Variants in PAPOLA observed in about 807,000 individuals in gnomAD.
PAPOLA encodes polynucleotide adenylyltransferase alpha.
A neutral mutation model predicts 100.6 loss-of-function variants in PAPOLA; 15 were observed. The observed-to-expected ratio is 0.15, with a 90% CI of 0.10 to 0.23. PAPOLA has a LOEUF of 0.23. Ranked by LOEUF, PAPOLA falls within the 10% of genes least tolerant of loss-of-function variation. The probability of loss-of-function intolerance (pLI) is 1.00; values close to 1 mark genes in which losing one functional copy is unlikely to be tolerated. For missense variants in PAPOLA, 533 were observed against 884.2 expected (o/e 0.60, Z 5.04); for synonymous variants, 293 against 300.0 (o/e 0.98, Z 0.24).
chr14:96,506,827 C>G (rs1416725086), intron 1 of PAPOLA, among the ~76,000 whole-genome samples: 2 of 152,108 alleles, frequency 1.3e-5, no homozygotes, highest in East Asian at 3.8e-4. Flanking sequence ...GCAAGGTAAA[C>G]CAGATTTTAA....
chr14:96,515,689 T>A (rs981183763), intron 1 of PAPOLA, among the ~76,000 whole-genome samples: 21 of 152,324 alleles, frequency 1.4e-4, no homozygotes, highest in African/African-American at 5.1e-4. Context: ...GACCAGTTGC[T>A]CAAGCAAAGC....
chr14:96,562,605 G>C (rs1901947677), intron 20 of PAPOLA: 1 of 366,658 alleles, frequency 2.7e-6, no homozygotes, highest in Admixed American at 4.4e-5. Context: ...TGCCTTATAA[G>C]ATTTAAGTAG....
chr14:96,535,774 T>A, intron 10 of PAPOLA, 105 bp from the exon 11 acceptor site: 2 of 1,047,608 alleles, frequency 1.9e-6, no homozygotes, highest in Non-Finnish European at 2.6e-6. Context: ...CAGCTATGAA[T>A]GAAATAAAAA....
intron 20 of PAPOLA, among the ~76,000 whole-genome samples, chr14:96,561,827 CG>C (rs1236189048): frequency 7.4e-6 from 1 of 134,286 alleles, no homozygotes; most frequent in Non-Finnish European, 1.7e-5. Context: ...AACAATATTT[CG>C]TTTTTTTTTT....
chr14:96,538,594 C>T (rs1421029831), intron 12 of PAPOLA, among the ~76,000 whole-genome samples: 2 of 151,952 alleles, frequency 1.3e-5, no homozygotes, highest in Non-Finnish European at 2.9e-5. Flanking sequence ...GAGGAAATTA[C>T]ATCAGGAAAA....
chr14:96,523,732 C>CA (rs892613175), intron 3 of PAPOLA, among the ~76,000 whole-genome samples: 1 of 152,138 alleles, frequency 6.6e-6, no homozygotes, highest in African/African-American at 2.4e-5. Context: ...ATCACGAGGT[C>CA]AAGAGTTCGA....
chr14:96,519,614 A>C (rs1361655667), intron 1 of PAPOLA, among the ~76,000 whole-genome samples: 2 of 152,182 alleles, frequency 1.3e-5, no homozygotes, highest in African/African-American at 4.8e-5. Flanking sequence ...ATTTTGTTTA[A>C]GTTTTTGCTA....
intron 6 of PAPOLA, among the ~76,000 whole-genome samples, chr14:96,530,511 C>A (rs980043174): frequency 6.6e-6 from 1 of 151,908 alleles, no homozygotes; most frequent in South Asian, 2.1e-4. Context: ...CTCAGCCCCC[C>A]CAAGTAGGTG....
At chr14:96,520,449 C>T (rs1039238928) in intron 2 of PAPOLA, among the ~76,000 whole-genome samples, 1 of 152,100 alleles carries the variant, frequency 6.6e-6, no homozygotes, top group African/African-American at 2.4e-5. Context: ...GATCTTGGCT[C>T]ACCACAGCCT....
At chr14:96,534,456 A>G (rs767283877) in intron 9 of PAPOLA, 35 bp from the exon 10 acceptor site, 5 of 1,608,842 alleles carry the variant, frequency 3.1e-6, no homozygotes, top group Non-Finnish European at 4.2e-6. Context: ...GTAATATCCA[A>G]TAGTCTTATC....
chr14:96,556,746 AT>A (rs1418166662), intron 19 of PAPOLA, among the ~76,000 whole-genome samples: 1 of 152,158 alleles, frequency 6.6e-6, no homozygotes, highest in Admixed American at 6.5e-5. Flanking sequence ...ATTTGTACTG[AT>A]TTTTTGATGG....
rs71103533 is a variant in PAPOLA at position 96,507,280 on chromosome 14, G to GTTTTTTTTTTTTTT, written c.8+4692_8+4705dup. 2.3e-3 allele frequency among the ~76,000 whole-genome samples: 183 copies of GTTTTTTTTTTTTTT among 80,686 alleles called. 11 individuals carry two copies. The highest frequency in any genetic ancestry group is 6.8e-3 in the African/African-American group (120 of 17,596). The allele number at this position is 80,686 out of a possible 152,430, so 52.9% of individuals were successfully genotyped here. On this transcript the variant is annotated intron_variant, in intron 1 of 21. Coordinates refer to ENST00000216277, the MANE Select transcript of PAPOLA (RefSeq NM_032632.5). The stretch of plus-strand genomic sequence containing the variant: ...ACTAAATTTTTTGTTTTGGAAAATA[G>GTTTTTTTTTTTTTT]TTTTTTTTTTTTTTTTTTTTTTTTT...
At chr14:96,527,275 C>T (rs984457447) in intron 4 of PAPOLA, 155 bp from the exon 5 acceptor site, 3 of 585,950 alleles carry the variant, frequency 5.1e-6, no homozygotes, top group African/African-American at 3.8e-5. Context: ...CATGTTTGTC[C>T]TCCATTGACT....
Position 96,536,905 on chromosome 14 carries a change from TGATTAA to T in PAPOLA, c.1031-65_1031-60del, listed in dbSNP as rs1899587218. 43 of 858,140 alleles carry T rather than the reference TGATTAA, an allele frequency of 5.0e-5. No individual in the cohort carries two copies. The South Asian group carries it at 5.4e-4, about 11-fold the overall frequency. The allele number at this position is 858,140 out of a possible 1,614,324, so 53.2% of individuals were successfully genotyped here. On this transcript the variant is annotated intron_variant, in intron 11 of 21. Transcript: ENST00000216277. ...AGGATTATAGTGAGTGCATGTAGTA[TGATTAA>T]GATTATTTAAAATTCTAGATTGTAG...
chr14:96,563,669 C>T (rs778578932), intron 21 of PAPOLA, among the ~76,000 whole-genome samples: 3 of 152,234 alleles, frequency 2.0e-5, no homozygotes, highest in South Asian at 2.1e-4. Context: ...GTTATTTTAA[C>T]GTGATCATTT....
intron 16 of PAPOLA, among the ~76,000 whole-genome samples, chr14:96,549,356 C>T (rs570922129): frequency 1.7e-4 from 25 of 151,514 alleles, no homozygotes; most frequent in Non-Finnish European, 2.8e-4. Context: ...TCACGCCATT[C>T]TCCTGCCTCA....
chr14:96,536,825 A>ATAT, intron 11 of PAPOLA, 151 bp from the exon 12 acceptor site: 2 of 568,024 alleles, frequency 3.5e-6, no homozygotes, highest in African/African-American at 3.7e-5. Context: ...GTATATATAT[A>ATAT]AGAGTATGCT....
rs534269892 is a variant in PAPOLA at position 96,556,453 on chromosome 14, C to G, written c.2004+40C>G. ...AACATATTAGTTAGCCATGGCAACA[C>G]CAACTGCCTATTTTTAAATCCAGTG... On this transcript the variant is annotated intron_variant, in intron 19 of 21. Transcript: ENST00000216277. The G allele has an allele frequency of 2.4e-6, 3 of 1,235,908 alleles. No individual in the cohort carries two copies. The South Asian group carries it at 3.8e-5, about 16-fold the overall frequency. 76.6% of individuals were successfully genotyped at this position (1,235,908 alleles called of 1,614,324 possible). A position where few individuals can be genotyped will look rare whatever the true frequency, so the allele number is the denominator to read the frequency against.
chr14:96,504,852 T>C (rs1231586797), intron 1 of PAPOLA, among the ~76,000 whole-genome samples: 3 of 152,320 alleles, frequency 2.0e-5, no homozygotes, highest in African/African-American at 7.2e-5. Flanking sequence ...TGTTGGATTG[T>C]GATTTCCCGG....
Sources: allele counts gnomAD v4.1 joint callset (sites outside exome capture counted in the v4.1 genomes callset), GRCh38; gene constraint gnomAD v4.1.1; transcripts MANE v1.5; gene names NCBI Gene and HGNC (gene_info 2026-07-23, HGNC 2026-07-21).